PRLR: variants seen among roughly 807,000 people sequenced by gnomAD.
PRLR encodes the protein prolactin receptor.
A neutral mutation model predicts 40.2 loss-of-function variants in PRLR; 13 were observed. That is an observed-to-expected ratio of 0.32 (90% CI 0.21 to 0.51). The LOEUF (loss-of-function observed/expected upper bound fraction) is 0.51, where lower values mean the gene tolerates loss of function less well. Among genes scored for constraint, PRLR ranks in the 20% least tolerant of loss-of-function variants. The pLI is 0.97. For synonymous variants in PRLR, 269 were observed against 278.7 expected, an observed-to-expected ratio of 0.97 and a Z score of 0.35; for missense variants, 656 against 747.3, an observed-to-expected ratio of 0.88 and a Z score of 1.42.
intron 1 of PRLR, among the ~76,000 whole-genome samples, chr5:35,177,929 G>T (rs1579768561): frequency 6.6e-6 from 1 of 151,644 alleles, no homozygotes; most frequent in Non-Finnish European, 1.5e-5. Flanking sequence ...TCTACCAATA[G>T]TGTATGAGGG....
intron 9 of PRLR, among the ~76,000 whole-genome samples, chr5:35,067,470 A>G (rs1769451382): frequency 1.3e-5 from 2 of 152,122 alleles, no homozygotes; most frequent in Non-Finnish European, 2.9e-5. Flanking sequence ...ATTTGCAACC[A>G]AAGTGAACAC....
At chr5:35,072,132 AG>A (rs1769785546) in intron 6 of PRLR, among the ~76,000 whole-genome samples, 1 of 152,014 alleles carries the variant, frequency 6.6e-6, no homozygotes, top group South Asian at 2.1e-4. Flanking sequence ...TCCTGACCTC[AG>A]GTGATCCACC....
chr5:35,203,959 A>AAAAAAC (rs769631124), intron 1 of PRLR, among the ~76,000 whole-genome samples: 4 of 152,214 alleles, frequency 2.6e-5, no homozygotes, highest in Admixed American at 6.5e-5. Context: ...AGTAGTCACC[A>AAAAAAC]AAAAACAAAA....
intron 2 of PRLR, among the ~76,000 whole-genome samples, chr5:35,106,057 G>C (rs1211897518): frequency 2.6e-5 from 4 of 152,212 alleles, no homozygotes; most frequent in African/African-American, 9.7e-5. Context: ...CCAGAAGAGA[G>C]TGGGGGCCAA....
intron 2 of PRLR, among the ~76,000 whole-genome samples, chr5:35,110,219 G>T (rs572490869): frequency 3.0e-4 from 46 of 152,268 alleles, no homozygotes; most frequent in African/African-American, 9.9e-4. Flanking sequence ...GCCTGTCATT[G>T]GATGGGGGGA....
intron 3 of PRLR, 54 bp downstream of exon 3, chr5:35,089,497 C>T (rs1440347013): frequency 3.1e-6 from 4 of 1,273,632 alleles, no homozygotes; most frequent in Non-Finnish European, 4.6e-6. Flanking sequence ...GACTCTCCAC[C>T]CTGTTGACAA....
chr5:35,174,150 C>T (rs778493317), intron 1 of PRLR, among the ~76,000 whole-genome samples: 5 of 150,928 alleles, frequency 3.3e-5, no homozygotes, highest in South Asian at 4.2e-4. Flanking sequence ...AATGCAGTGG[C>T]GCGATCTCGG....
chr5:35,052,477 G>A (rs1455870220), downstream of PRLR, among the ~76,000 whole-genome samples: 1 of 151,998 alleles, frequency 6.6e-6, no homozygotes, highest in Non-Finnish European at 1.5e-5. Flanking sequence ...AAATTGTAGG[G>A]GCCCAGCAGC....
rs183016706 is a variant in PRLR, at chr5:35,189,364, T to C, written c.-106+40904A>G. On this transcript the variant is annotated intron_variant, in intron 1 of 9. Transcript: ENST00000618457. ...GGGAGGTTGAGGCACGTGGACCACT[T>C]GAGGTCAGGAGTTTGAGACCAGTCT... 4.8e-3 allele frequency among the ~76,000 whole-genome samples: 737 copies of C among 152,212 alleles called. 3 individuals carry two copies. Among genetic ancestry groups the C allele is most frequent in the African/African-American group, 0.017 (691 of 41,526 alleles).
downstream of PRLR, among the ~76,000 whole-genome samples, chr5:35,053,530 G>A (rs1768578981): frequency 6.6e-6 from 1 of 152,152 alleles, no homozygotes; most frequent in African/African-American, 2.4e-5. Context: ...GTGTGGGCCT[G>A]TAATCCTAGC....
At chr5:35,106,111 A>G (rs984603181) in intron 2 of PRLR, among the ~76,000 whole-genome samples, 6 of 152,222 alleles carry the variant, frequency 3.9e-5, no homozygotes, top group Non-Finnish European at 8.8e-5. Flanking sequence ...CCAGAATTTC[A>G]TATCCAGCCA....
chr5:35,105,985 G>T (rs1404895500), intron 2 of PRLR, among the ~76,000 whole-genome samples: 2 of 152,212 alleles, frequency 1.3e-5, no homozygotes, highest in Non-Finnish European at 2.9e-5. Flanking sequence ...AGAAAGGTTG[G>T]GTTACCCACA....
chr5:35,084,165 A>G (rs1770699750), intron 5 of PRLR, among the ~76,000 whole-genome samples: 1 of 152,212 alleles, frequency 6.6e-6, no homozygotes, highest in Non-Finnish European at 1.5e-5. Flanking sequence ...GCGGACATCA[A>G]TTGCAAGGGC....
intron 1 of PRLR, among the ~76,000 whole-genome samples, chr5:35,123,467 A>G (rs1291487454): frequency 6.6e-6 from 1 of 152,196 alleles, no homozygotes; most frequent in Non-Finnish European, 1.5e-5. Context: ...TTATTCATGT[A>G]CTGATTTGTC....
intron 1 of PRLR, among the ~76,000 whole-genome samples, chr5:35,162,067 G>A (rs1357843855): frequency 6.6e-6 from 1 of 152,150 alleles, no homozygotes; most frequent in Non-Finnish European, 1.5e-5. Context: ...ATAAATAGCT[G>A]CCGCTTTTCC....
intron 1 of PRLR, among the ~76,000 whole-genome samples, chr5:35,165,552 T>C (rs1176785989): frequency 6.6e-6 from 1 of 152,240 alleles, no homozygotes; most frequent in Non-Finnish European, 1.5e-5. Context: ...ATGGTTCTGT[T>C]CAAGCCAATT....
At chr5:35,084,166 T>C (rs1770699908) in intron 5 of PRLR, among the ~76,000 whole-genome samples, 1 of 152,090 alleles carries the variant, frequency 6.6e-6, no homozygotes, top group Non-Finnish European at 1.5e-5. Context: ...CGGACATCAA[T>C]TGCAAGGGCA....
intron 5 of PRLR, chr5:35,081,406 C>T: frequency 4.9e-6 from 1 of 204,432 alleles, no homozygotes; most frequent in Non-Finnish European, 1.0e-5. Context: ...CTTCCATGTC[C>T]CCACCATCGT....
chr5:35,118,942 A>T (rs1243498551), intron 1 of PRLR, among the ~76,000 whole-genome samples: 1 of 152,044 alleles, frequency 6.6e-6, no homozygotes, highest in Admixed American at 6.6e-5. Context: ...CTACAGGCAC[A>T]TGTCATTACA....
Sources: allele counts gnomAD v4.1 joint callset (sites outside exome capture counted in the v4.1 genomes callset), GRCh38; gene constraint gnomAD v4.1.1; transcripts MANE v1.5; gene names NCBI Gene and HGNC (gene_info 2026-07-23, HGNC 2026-07-21).